Variants in CHST8 observed in about 807,000 individuals in gnomAD.
CHST8 encodes the protein carbohydrate sulfotransferase 8.
Under a neutral mutation model 15.0 loss-of-function variants are expected in CHST8, and 10 were observed. That is an observed-to-expected ratio of 0.67 (90% confidence interval 0.41 to 1.13). CHST8 has a LOEUF of 1.13. Ranked by LOEUF, CHST8 falls within the 50% of genes most tolerant of loss-of-function variation. The pLI is 0.00. For synonymous variants in CHST8, 259 were observed against 256.6 expected (o/e 1.01, Z -0.09); for missense variants, 634 against 608.2 (o/e 1.04, Z -0.45).
rs1360957136 is a variant in CHST8 at position 33,689,280 on chromosome 19, A to G, written c.19A>G (p.Thr7Ala). 4.4e-6 allele frequency: 7 copies of G among 1,601,870 alleles called. No individual in the cohort carries two copies. Among genetic ancestry groups the G allele is most frequent in the East Asian group, 4.6e-5 (2 of 43,930 alleles). MTLRPG[T>A]MRLACMFSSI... ...GCCCCGGATGACCCTGCGACCTGGA[A>G]CAATGCGGCTGGCCTGCATGTTCTC... Residue 7 changes from threonine to alanine, a missense_variant, in exon 3 of 5, where the codon ACA becomes GCA. By Grantham distance (58) the Thr-to-Ala change is moderately conservative (BLOSUM62 0). Coordinates refer to ENST00000650847, the MANE Select transcript of CHST8 (RefSeq NM_001127895.2).
chr19:33,706,851 C>T (rs549953597), intron 3 of CHST8, among the ~76,000 whole-genome samples: 1 of 152,298 alleles, frequency 6.6e-6, no homozygotes, highest in East Asian at 1.9e-4. Context: ...GTGTGCAGGC[C>T]TCGTCCCTTC....
intron 3 of CHST8, among the ~76,000 whole-genome samples, chr19:33,747,861 G>A (rs1036100179): frequency 6.6e-6 from 1 of 152,120 alleles, no homozygotes; most frequent in Non-Finnish European, 1.5e-5. Context: ...ACACAAGGGG[G>A]GTTCCTAGCT....
chr19:33,764,301 G>A (rs1054093227), intron 3 of CHST8, among the ~76,000 whole-genome samples: 8 of 151,724 alleles, frequency 5.3e-5, no homozygotes, highest in South Asian at 2.1e-4. Flanking sequence ...ACCAGCAGAC[G>A]AGCTGTTTCT....
chr19:33,677,366 A>C (rs1323330156), intron 2 of CHST8, among the ~76,000 whole-genome samples: 2 of 152,218 alleles, frequency 1.3e-5, no homozygotes, highest in Admixed American at 6.5e-5. Context: ...GGCATGTGAA[A>C]CCCAGGATGG....
chr19:33,735,292 C>T (rs987547687), intron 3 of CHST8, among the ~76,000 whole-genome samples: 20 of 152,322 alleles, frequency 1.3e-4, no homozygotes, highest in African/African-American at 4.8e-4. Context: ...GCTTTAAATG[C>T]CTCACAGGCA....
rs576633206 is a variant in CHST8 at position 33,743,427 on chromosome 19, G to A, written c.131-27986G>A. Among the ~76,000 whole-genome samples the A allele has an allele frequency of 2.7e-5, 4 of 147,450 alleles. No individual in the cohort carries two copies. The South Asian group carries it at 8.9e-4, about 33-fold the overall frequency. On this transcript the variant is annotated intron_variant, in intron 3 of 4. Transcript: ENST00000650847. Reference sequence around the variant, plus strand: ...TGCCATTCTCCTGCCTCAGCCTCCCGAGTAGCTGGGACTACAGGCGCCCAC... The same window carrying A: ...TGCCATTCTCCTGCCTCAGCCTCCCAAGTAGCTGGGACTACAGGCGCCCAC...
At chr19:33,664,613 A>G (rs16966883) in intron 1 of CHST8, among the ~76,000 whole-genome samples, 4,481 of 151,992 alleles carry the variant, frequency 0.029, 223 homozygotes, top group African/African-American at 0.096. Flanking sequence ...AAAAAAGTTC[A>G]CTGGACATCT....
intron 1 of CHST8, among the ~76,000 whole-genome samples, chr19:33,642,177 AG>A (rs1972292243): frequency 6.6e-6 from 1 of 151,946 alleles, no homozygotes; most frequent in Admixed American, 6.6e-5. Flanking sequence ...TCTGCTGGGA[AG>A]GGGCCAAAGC....
intron 3 of CHST8, among the ~76,000 whole-genome samples, chr19:33,752,298 C>G (rs1974436301): frequency 6.6e-6 from 1 of 152,220 alleles, no homozygotes; most frequent in African/African-American, 2.4e-5. Context: ...TCGACCCACG[C>G]GTGAGCCAGG....
intron 1 of CHST8, among the ~76,000 whole-genome samples, chr19:33,646,059 T>C (rs908796963): frequency 6.6e-6 from 1 of 152,068 alleles, no homozygotes; most frequent in Admixed American, 6.6e-5. Flanking sequence ...GCCCAGGAGT[T>C]TGAGGCTGCA....
chr19:33,636,858 G>A (rs1346362923), intron 1 of CHST8, among the ~76,000 whole-genome samples: 3 of 152,148 alleles, frequency 2.0e-5, no homozygotes, highest in Non-Finnish European at 2.9e-5. Flanking sequence ...CCGAGATCGC[G>A]CCATTGCACT....
chr19:33,662,488 T>A (rs1379547287), intron 1 of CHST8, among the ~76,000 whole-genome samples: 1 of 152,206 alleles, frequency 6.6e-6, no homozygotes, highest in Admixed American at 6.5e-5. Context: ...TGTCCTGGCA[T>A]GGGGGCCTTC....
At chr19:33,650,804 G>T (rs761877086) in intron 1 of CHST8, among the ~76,000 whole-genome samples, 12 of 151,962 alleles carry the variant, frequency 7.9e-5, no homozygotes, top group Non-Finnish European at 7.4e-5. Context: ...CGCCTCCCGG[G>T]TTCAAGCGAT....
intron 3 of CHST8, among the ~76,000 whole-genome samples, chr19:33,737,404 G>A (rs573507518): frequency 5.9e-5 from 9 of 152,276 alleles, no homozygotes; most frequent in African/African-American, 1.4e-4. Flanking sequence ...ACTGAGACAC[G>A]CATTCGGAAC....
intron 3 of CHST8, among the ~76,000 whole-genome samples, chr19:33,694,993 T>C (rs1013234860): frequency 6.7e-6 from 1 of 149,194 alleles, no homozygotes; most frequent in African/African-American, 2.5e-5. Flanking sequence ...TCTTGCTCTG[T>C]GGCCCGGGCT....
chr19:33,641,522 C>T (rs762423527), intron 1 of CHST8, among the ~76,000 whole-genome samples: 24 of 152,302 alleles, frequency 1.6e-4, no homozygotes, highest in Admixed American at 1.5e-3. Flanking sequence ...TTCTATCTCC[C>T]CAGGGGGGCA....
At chr19:33,657,191 A>T (rs1231136328) in intron 1 of CHST8, among the ~76,000 whole-genome samples, 1 of 151,718 alleles carries the variant, frequency 6.6e-6, no homozygotes, top group Non-Finnish European at 1.5e-5. Context: ...ATACACATAC[A>T]CACATACATA....
intron 2 of CHST8, among the ~76,000 whole-genome samples, chr19:33,686,267 C>A (rs1009734082): frequency 6.6e-6 from 1 of 152,114 alleles, no homozygotes; most frequent in African/African-American, 2.4e-5. Flanking sequence ...TGTCTTCTTC[C>A]CCTTCCTGGA....
At chr19:33,682,771 TG>T (rs1001612910) in intron 2 of CHST8, among the ~76,000 whole-genome samples, 5 of 152,222 alleles carry the variant, frequency 3.3e-5, no homozygotes, top group African/African-American at 7.2e-5. Context: ...TGTAATTTTT[TG>T]GGGGGGTTCC....
Sources: gnomAD v4.1 joint callset for allele counts (sites outside exome capture counted in the v4.1 genomes callset) on GRCh38, gnomAD v4.1.1 for gene constraint, MANE v1.5 for transcripts, NCBI Gene and HGNC (gene_info 2026-07-23, HGNC 2026-07-21) for gene names.